The following PTPRD variants were observed in gnomAD, a reference collection of about 807,000 sequenced individuals.
PTPRD encodes the protein receptor-type tyrosine-protein phosphatase delta.
A neutral mutation model predicts 214.5 loss-of-function variants in PTPRD; 34 were observed. The ratio of observed to expected loss-of-function variants is 0.16; its 90% CI spans 0.12 to 0.21. The LOEUF (loss-of-function observed/expected upper bound fraction) is 0.21, where lower values mean the gene tolerates loss of function less well. PTPRD is among the 10% of genes least tolerant of loss of function. The pLI, the probability that PTPRD is intolerant of heterozygous loss-of-function variation, is 1.00. For missense variants in PTPRD, 2,545 were observed against 2,398.7 expected (o/e 1.06, Z -1.27); for synonymous variants, 1,128 against 845.7 (o/e 1.33, Z -5.79).
chr9:9,801,855 A>G (rs968148741), intron 5 of PTPRD, among the ~76,000 whole-genome samples: 1 of 152,068 alleles, frequency 6.6e-6, no homozygotes. Flanking sequence ...AGGCATTTCC[A>G]TCAGGATACA....
intron 11 of PTPRD, among the ~76,000 whole-genome samples, chr9:8,901,205 C>T (rs1452332060): frequency 6.6e-6 from 1 of 152,114 alleles, no homozygotes; most frequent in Non-Finnish European, 1.5e-5. Context: ...CAGTGTATAC[C>T]ACGACACAAA....
At chr9:8,758,664 T>C (rs1313488817) in intron 11 of PTPRD, among the ~76,000 whole-genome samples, 1 of 152,156 alleles carries the variant, frequency 6.6e-6, no homozygotes, top group Non-Finnish European at 1.5e-5. Context: ...TAATTGTCAA[T>C]ATTTATGGAG....
chr9:9,026,806 C>T (rs565987286), intron 10 of PTPRD, among the ~76,000 whole-genome samples: 37 of 151,828 alleles, frequency 2.4e-4, no homozygotes, highest in Admixed American at 5.9e-4. Flanking sequence ...ACCTTTATAG[C>T]TTTCTCATTC....
intron 4 of PTPRD, among the ~76,000 whole-genome samples, chr9:9,946,723 T>A (rs1304435040): frequency 6.6e-6 from 1 of 152,100 alleles, no homozygotes; most frequent in East Asian, 1.9e-4. Flanking sequence ...ACAGAGACCC[T>A]CTAATGTAGT....
chr9:9,148,715 C>A (rs1166167074), intron 10 of PTPRD, among the ~76,000 whole-genome samples: 1 of 152,098 alleles, frequency 6.6e-6, no homozygotes, highest in Admixed American at 6.6e-5. Context: ...TAAAGAAAAC[C>A]CTTTAATGGC....
intron 2 of PTPRD, among the ~76,000 whole-genome samples, chr9:10,444,304 T>C (rs1441250934): frequency 6.6e-6 from 1 of 151,810 alleles, no homozygotes; most frequent in Admixed American, 6.6e-5. Context: ...AAATTTTAAG[T>C]AATAAAAGAT....
chr9:9,963,116 A>T (rs1412370697), intron 4 of PTPRD, among the ~76,000 whole-genome samples: 1 of 152,154 alleles, frequency 6.6e-6, no homozygotes, highest in Non-Finnish European at 1.5e-5. Context: ...GTTTAGTAGA[A>T]AAGTAAATCA....
intron 14 of PTPRD, among the ~76,000 whole-genome samples, chr9:8,554,765 TAGAGCTGTC>T (rs1229696432): frequency 6.6e-6 from 1 of 152,196 alleles, no homozygotes; most frequent in Admixed American, 6.5e-5. Context: ...CCAAGCACTG[TAGAGCTGTC>T]AGAGAAATAT....
At chr9:9,034,493 T>C (rs2099615410) in intron 10 of PTPRD, among the ~76,000 whole-genome samples, 1 of 152,202 alleles carries the variant, frequency 6.6e-6, no homozygotes, top group Non-Finnish European at 1.5e-5. Flanking sequence ...AAACAACTGA[T>C]TTGAAGACGG....
At chr9:8,611,430 C>T (rs770025396) in intron 14 of PTPRD, among the ~76,000 whole-genome samples, 1 of 152,094 alleles carries the variant, frequency 6.6e-6, no homozygotes, top group Non-Finnish European at 1.5e-5. Flanking sequence ...CAGGGCCAGG[C>T]GTAGTGGCTC....
chr9:9,718,257 GA>G, intron 7 of PTPRD, among the ~76,000 whole-genome samples: 1 of 152,150 alleles, frequency 6.6e-6, no homozygotes, highest in African/African-American at 2.4e-5. Context: ...CAACATTAAA[GA>G]AAAATTCTAT....
intron 9 of PTPRD, among the ~76,000 whole-genome samples, chr9:9,227,500 CTCTT>C (rs1231866529): frequency 6.6e-6 from 1 of 152,092 alleles, no homozygotes; most frequent in Non-Finnish European, 1.5e-5. Context: ...TGTCCACAAT[CTCTT>C]TGACACTCTC....
intron 5 of PTPRD, among the ~76,000 whole-genome samples, chr9:9,900,885 T>C (rs1056238451): frequency 2.0e-5 from 3 of 152,152 alleles, no homozygotes; most frequent in Non-Finnish European, 2.9e-5. Flanking sequence ...TCCGCCCACA[T>C]TGACCTCCCA....
intron 2 of PTPRD, among the ~76,000 whole-genome samples, chr9:10,595,935 T>C (rs370873840): frequency 1.3e-5 from 2 of 151,838 alleles, no homozygotes; most frequent in East Asian, 1.9e-4. Context: ...GATCAGATAC[T>C]GTCATTGCCT....
chr9:9,654,330 TTAAGA>T (rs1467074471), intron 7 of PTPRD, among the ~76,000 whole-genome samples: 21 of 152,266 alleles, frequency 1.4e-4, no homozygotes, highest in South Asian at 1.0e-3. Context: ...AGTTTAATGC[TTAAGA>T]TAAGTAATGA....
At chr9:10,100,587 G>A (rs2098542039) in intron 3 of PTPRD, among the ~76,000 whole-genome samples, 1 of 151,688 alleles carries the variant, frequency 6.6e-6, no homozygotes. Flanking sequence ...GAATTTCATA[G>A]GAGTTTTATT....
chr9:9,898,019 G>A (rs921070721), intron 5 of PTPRD, among the ~76,000 whole-genome samples: 2 of 152,082 alleles, frequency 1.3e-5, no homozygotes, highest in Non-Finnish European at 2.9e-5. Context: ...TGGCTTTGGT[G>A]CACAAGCTGT....
intron 5 of PTPRD, among the ~76,000 whole-genome samples, chr9:9,796,838 A>G (rs1030825994): frequency 2.0e-5 from 3 of 152,178 alleles, no homozygotes; most frequent in Admixed American, 6.5e-5. Context: ...GATTTGGCAT[A>G]TACAAAGCTA....
intron 12 of PTPRD, among the ~76,000 whole-genome samples, chr9:8,640,573 A>AT (rs1460258710): frequency 1.2e-4 from 18 of 151,206 alleles, no homozygotes; most frequent in African/African-American, 4.4e-4. Flanking sequence ...AAAAAAAAAA[A>AT]AACAAAAAAA....
Sources: allele counts gnomAD v4.1 joint callset (sites outside exome capture counted in the v4.1 genomes callset), GRCh38; gene constraint gnomAD v4.1.1; transcripts MANE v1.5; gene names NCBI Gene and HGNC (gene_info 2026-07-23, HGNC 2026-07-21).